The following SMG6 variants were observed in gnomAD, a reference collection of about 807,000 sequenced individuals.
The protein encoded by SMG6 is SMG6 nonsense mediated mRNA decay factor, also known as telomerase-binding protein EST1A.
SMG6 carries 66 observed loss-of-function variants against 142.2 expected under a neutral mutation model. That is an observed-to-expected ratio of 0.46 (90% CI 0.38 to 0.57). SMG6 has a LOEUF of 0.57. Among genes scored for constraint, SMG6 ranks in the 20% least tolerant of loss-of-function variants. The pLI, the probability that SMG6 is intolerant of heterozygous loss-of-function variation, is 0.00. For synonymous variants in SMG6, 779 were observed against 702.4 expected, an observed-to-expected ratio of 1.11 and a Z score of -1.72; for missense variants, 1,793 against 1,832.0, an observed-to-expected ratio of 0.98 and a Z score of 0.39.
intron 1 of SMG6, chr17:2,302,932 A>C: frequency 2.0e-6 from 2 of 981,398 alleles, no homozygotes; most frequent in Non-Finnish European, 2.4e-6. Flanking sequence ...GCAAACCTAG[A>C]GAAGGCACCT....
chr17:2,106,105 T>C (rs764715990), intron 13 of SMG6, among the ~76,000 whole-genome samples: 1 of 152,196 alleles, frequency 6.6e-6, no homozygotes, highest in Non-Finnish European at 1.5e-5. Context: ...GAGAGAATAA[T>C]AGTTTACTTC....
At position 2,201,614 on chromosome 17, in the gene SMG6, G is replaced by A. The variant is rs1420134849; in HGVS notation, c.2870-13099C>T. Among the ~76,000 whole-genome samples the A allele has an allele frequency of 2.0e-5, 3 of 151,728 alleles. No individual in the cohort carries two copies. The South Asian group carries it at 6.3e-4, about 32-fold the overall frequency. On this transcript the variant is annotated intron_variant, in intron 10 of 18. Transcript: ENST00000263073. ...GAATAGCTTGAACCTGGGAGGTGGAGGTTGTAGTGAGCCGAGACCACGCCA... is the reference window on the plus strand; with the variant it reads ...GAATAGCTTGAACCTGGGAGGTGGAAGTTGTAGTGAGCCGAGACCACGCCA...
rs2067915752 is a variant in SMG6 at position 2,065,499 on chromosome 17, G to A, written c.4016C>T (p.Ala1339Val). 1 of 1,613,504 alleles carries A rather than the reference G, an allele frequency of 6.2e-7. No homozygotes were observed. The highest frequency in any genetic ancestry group is 8.5e-7 in the Non-Finnish European group (1 of 1,179,990). Residue 1339 changes from alanine (A) to valine (V), a missense_variant, in exon 17 of 19, where the codon GCC (alanine) becomes GTC (valine). By Grantham distance (64) the Ala-to-Val change is moderately conservative. This residue lies in a region of SMG6 where 179 missense variants were observed against 212.6 expected (regional missense o/e 0.84). Transcript: ENST00000263073. ...TSRGNELESI[A>V]FRSEDITGQL... is the part of the protein sequence containing the mutation. Reference sequence around the variant, plus strand: ...GCCAGTGATGTCCTCACTGCGGAAGGCGATGGATTCGAGTTCATTGCCACG... The same window carrying A: ...GCCAGTGATGTCCTCACTGCGGAAGACGATGGATTCGAGTTCATTGCCACG...
rs1374821399 is a variant in SMG6, at chr17:2,299,035, A to G, written c.1718T>C (p.Met573Thr). 2 of 1,614,038 alleles carry G rather than the reference A, an allele frequency of 1.2e-6. No individual in the cohort carries two copies. Among genetic ancestry groups the G allele is most frequent in the Non-Finnish European group, 1.7e-6 (2 of 1,180,036 alleles). The stretch of plus-strand genomic sequence containing the variant: ...CAGCTCCTGTTGCTGCAGGTTCCTC[A>G]TGTGCTGCTCTACCTCCTCGGGACT... Reference protein sequence around the residue: ...TMSPEEVEQHMRNLQQQELHR... With the variant: ...TMSPEEVEQHTRNLQQQELHR... The change falls in exon 2 of 19, where the codon ATG (methionine) becomes ACG (threonine). Residue 573 changes from methionine (M) to threonine (T), a missense_variant. Physicochemically the swap from Met to Thr is moderately conservative, Grantham distance 81. Coordinates refer to ENST00000263073, the MANE Select transcript of SMG6 (RefSeq NM_017575.5). The surrounding 1 kb of genome is among the most constrained non-coding windows in gnomAD (Gnocchi z 4.3).
At chr17:2,207,862 T>C (rs1380996536) in intron 10 of SMG6, among the ~76,000 whole-genome samples, 1 of 152,212 alleles carries the variant, frequency 6.6e-6, no homozygotes, top group Non-Finnish European at 1.5e-5. Flanking sequence ...TTCAACTTTA[T>C]TTTCTTGGTG....
chr17:2,152,180 C>T (rs1180437747), intron 13 of SMG6, among the ~76,000 whole-genome samples: 2 of 152,108 alleles, frequency 1.3e-5, no homozygotes, highest in Admixed American at 6.5e-5. Flanking sequence ...ACATCATAGG[C>T]GGGGACAGGA....
chr17:2,174,708 G>A (rs375086909), intron 12 of SMG6, among the ~76,000 whole-genome samples: 5 of 152,296 alleles, frequency 3.3e-5, no homozygotes, highest in East Asian at 1.9e-4. Flanking sequence ...CGCAGACACC[G>A]ACAACCAGAC....
chr17:2,205,505 T>C (rs2072651569), intron 10 of SMG6, among the ~76,000 whole-genome samples: 1 of 152,132 alleles, frequency 6.6e-6, no homozygotes, highest in Admixed American at 6.6e-5. Flanking sequence ...TAAAGTAGAT[T>C]AGAGAATCAA....
intron 13 of SMG6, among the ~76,000 whole-genome samples, chr17:2,099,772 C>T (rs1290795967): frequency 6.6e-6 from 1 of 152,204 alleles, no homozygotes; most frequent in Non-Finnish European, 1.5e-5. Flanking sequence ...TGTCAGTTCT[C>T]CCTTCTTCAC....
chr17:2,210,090 G>A (rs1288777464), intron 10 of SMG6, among the ~76,000 whole-genome samples: 1 of 152,046 alleles, frequency 6.6e-6, no homozygotes, highest in Non-Finnish European at 1.5e-5. Flanking sequence ...ACCCAATTTG[G>A]GAGTACTTGG....
intron 13 of SMG6, among the ~76,000 whole-genome samples, chr17:2,136,720 C>CT (rs986034311): frequency 2.6e-5 from 4 of 151,488 alleles, no homozygotes; most frequent in Admixed American, 2.6e-4. Flanking sequence ...AAGGCCTCAC[C>CT]TTTTTTTCCT....
At chr17:2,292,214 A>G (rs968426480) in intron 6 of SMG6, among the ~76,000 whole-genome samples, 1 of 152,226 alleles carries the variant, frequency 6.6e-6, no homozygotes, top group Non-Finnish European at 1.5e-5. Flanking sequence ...TTCGTCTAGA[A>G]TGAGTTGCCT....
intron 13 of SMG6, among the ~76,000 whole-genome samples, chr17:2,134,808 T>C (rs1369989649): frequency 1.3e-5 from 2 of 152,182 alleles, no homozygotes; most frequent in Admixed American, 6.6e-5. Context: ...GCTTTAGCTA[T>C]TCAAATCCTA....
At chr17:2,110,228 C>A (rs997782403) in intron 13 of SMG6, among the ~76,000 whole-genome samples, 1 of 151,966 alleles carries the variant, frequency 6.6e-6, no homozygotes, top group Non-Finnish European at 1.5e-5. Context: ...AAGTACCAGG[C>A]CAAACTGAAG....
At chr17:2,172,120 T>C (rs1402800045) in intron 13 of SMG6, among the ~76,000 whole-genome samples, 1 of 152,178 alleles carries the variant, frequency 6.6e-6, no homozygotes, top group Non-Finnish European at 1.5e-5. Context: ...ACGTTCAGGT[T>C]AAAACGCAGT....
At chr17:2,113,071 T>C (rs1395897503) in intron 13 of SMG6, among the ~76,000 whole-genome samples, 3 of 151,684 alleles carry the variant, frequency 2.0e-5, no homozygotes, top group Non-Finnish European at 4.4e-5. Context: ...TATTTTCTTT[T>C]TTAAGAGACA....
At chr17:2,157,821 T>C (rs1018826348) in intron 13 of SMG6, among the ~76,000 whole-genome samples, 1 of 152,226 alleles carries the variant, frequency 6.6e-6, no homozygotes, top group Non-Finnish European at 1.5e-5. Flanking sequence ...CAGGGAATGC[T>C]GGCTGATTTG....
chr17:2,249,364 C>T (rs1481595637), intron 8 of SMG6, among the ~76,000 whole-genome samples: 5 of 152,206 alleles, frequency 3.3e-5, no homozygotes, highest in Non-Finnish European at 5.9e-5. Flanking sequence ...GGCAACATCA[C>T]GGCTCACTGC....
intron 15 of SMG6, among the ~76,000 whole-genome samples, chr17:2,069,540 G>A (rs1367896645): frequency 1.3e-5 from 2 of 149,618 alleles, no homozygotes; most frequent in Admixed American, 6.6e-5. Context: ...AGGCTGCAGC[G>A]AGCCGAGATC....
Sources: allele counts gnomAD v4.1 joint callset (sites outside exome capture counted in the v4.1 genomes callset), GRCh38; gene constraint gnomAD v4.1.1; regional missense constraint gnomAD v4.1.1; non-coding constraint Gnocchi (gnomAD v3.1); transcripts MANE v1.5; gene names NCBI Gene and HGNC (gene_info 2026-07-23, HGNC 2026-07-21).